Variants in NTRK3 observed in about 807,000 individuals in gnomAD.
NTRK3 encodes neurotrophic receptor tyrosine kinase 3.
In NTRK3, 24 loss-of-function variants were observed where a neutral mutation model predicts 91.7. The ratio of observed to expected loss-of-function variants is 0.26; its 90% confidence interval spans 0.19 to 0.37. The LOEUF is 0.37. NTRK3 is among the 10% of genes least tolerant of loss of function. The probability of loss-of-function intolerance (pLI) is 1.00; values close to 1 mark genes in which losing one functional copy is unlikely to be tolerated. For missense variants in NTRK3, 880 were observed against 1,068.9 expected (o/e 0.82, Z 2.46); for synonymous variants, 483 against 404.0 (o/e 1.20, Z -2.34).
chr15:87,861,056 T>C, exon 19 of NTRK3: 1 of 226,542 alleles, frequency 4.4e-6, no homozygotes, highest in Non-Finnish European at 8.8e-6. Flanking sequence ...TCAGAACAGG[T>C]GTGCCCAGGT....
At chr15:88,069,934 G>C (rs2046965613) in intron 13 of NTRK3, among the ~76,000 whole-genome samples, 1 of 152,184 alleles carries the variant, frequency 6.6e-6, no homozygotes, top group Admixed American at 6.5e-5. Context: ...GCTGTTGAGA[G>C]TCTAGGGCGA....
At chr15:88,106,469 G>C (rs1000149714) in intron 13 of NTRK3, among the ~76,000 whole-genome samples, 1 of 152,198 alleles carries the variant, frequency 6.6e-6, no homozygotes, top group East Asian at 1.9e-4. Flanking sequence ...AACGTGAAAA[G>C]AAAGAATGTA....
intron 3 of NTRK3, among the ~76,000 whole-genome samples, chr15:88,216,345 G>A (rs1305740444): frequency 2.0e-5 from 3 of 152,190 alleles, no homozygotes; most frequent in Non-Finnish European, 4.4e-5. Context: ...CCTGGGTACT[G>A]AAAAACTACA....
intron 14 of NTRK3, among the ~76,000 whole-genome samples, chr15:87,970,236 G>A (rs181088646): frequency 1.6e-4 from 24 of 152,270 alleles, no homozygotes; most frequent in Middle Eastern, 3.4e-3. Context: ...CAGCCTGGGC[G>A]GATGGCCAGG....
chr15:88,049,415 G>A (rs2142262878), intron 13 of NTRK3, among the ~76,000 whole-genome samples: 1 of 152,220 alleles, frequency 6.6e-6, no homozygotes, highest in Middle Eastern at 3.4e-3. Flanking sequence ...ACCCCACAGT[G>A]TTTTATAATG....
exon 19 of NTRK3, chr15:87,863,306 AC>A (rs962587591): frequency 4.9e-5 from 11 of 226,204 alleles, no homozygotes; most frequent in Non-Finnish European, 8.8e-5. Flanking sequence ...GGAAAACAAA[AC>A]AACTGCCCTT....
At chr15:88,227,358 C>G (rs1038029787) in intron 3 of NTRK3, among the ~76,000 whole-genome samples, 6 of 152,214 alleles carry the variant, frequency 3.9e-5, no homozygotes, top group South Asian at 2.1e-4. Flanking sequence ...TAGCCCCTAC[C>G]TAGAGCCTCG....
intron 6 of NTRK3, among the ~76,000 whole-genome samples, chr15:88,142,060 A>G (rs2042433705): frequency 6.6e-6 from 1 of 152,102 alleles, no homozygotes; most frequent in South Asian, 2.1e-4. Context: ...ATGACACCCT[A>G]GACAGCCCAC....
At chr15:88,129,007 T>C (rs2053564250) in intron 10 of NTRK3, among the ~76,000 whole-genome samples, 1 of 152,180 alleles carries the variant, frequency 6.6e-6, no homozygotes, top group Non-Finnish European at 1.5e-5. Context: ...ACCAGGTTCA[T>C]TATGAGATGA....
chr15:88,005,248 G>A (rs1435569803), intron 14 of NTRK3, among the ~76,000 whole-genome samples: 1 of 152,182 alleles, frequency 6.6e-6, no homozygotes, highest in African/African-American at 2.4e-5. Context: ...TTCCTGAGTA[G>A]GAGCCAGATG....
At chr15:88,044,814 C>G (rs1309323578) in intron 13 of NTRK3, among the ~76,000 whole-genome samples, 2 of 152,220 alleles carry the variant, frequency 1.3e-5, no homozygotes, top group Admixed American at 6.5e-5. Context: ...CTGGGCTTGA[C>G]ACAGACCCTA....
intron 5 of NTRK3, among the ~76,000 whole-genome samples, chr15:88,181,038 T>C (rs1470967106): frequency 6.6e-6 from 1 of 152,202 alleles, no homozygotes; most frequent in African/African-American, 2.4e-5. Context: ...GCCACTTGAC[T>C]GGGTGCTGAC....
At chr15:87,942,611 T>A (rs1254639499) in intron 14 of NTRK3, among the ~76,000 whole-genome samples, 2 of 151,992 alleles carry the variant, frequency 1.3e-5, no homozygotes, top group South Asian at 4.2e-4. Context: ...CAAGCCCACA[T>A]CTCTGAACAC....
chr15:87,981,115 C>G, intron 14 of NTRK3: 1 of 1,516,578 alleles, frequency 6.6e-7, no homozygotes. Flanking sequence ...CTAGTCGTAC[C>G]TCAGTCCACG....
chr15:87,951,276 T>C (rs2071080527), intron 14 of NTRK3, among the ~76,000 whole-genome samples: 1 of 152,206 alleles, frequency 6.6e-6, no homozygotes, highest in Non-Finnish European at 1.5e-5. Context: ...CAAAAATAGG[T>C]GTCCTAGGAC....
intron 14 of NTRK3, chr15:87,978,918 A>C: frequency 3.1e-6 from 1 of 319,570 alleles, no homozygotes; most frequent in Non-Finnish European, 5.8e-6. Context: ...ATCCTGGGAG[A>C]GCCAGGGAGA....
intron 3 of NTRK3, among the ~76,000 whole-genome samples, chr15:88,198,616 G>A (rs893507503): frequency 5.9e-5 from 9 of 152,222 alleles, no homozygotes; most frequent in African/African-American, 1.7e-4. Flanking sequence ...TCCCTTGTGA[G>A]AGCATAAATT....
intron 5 of NTRK3, among the ~76,000 whole-genome samples, chr15:88,161,181 T>C (rs2044420821): frequency 6.6e-6 from 1 of 152,174 alleles, no homozygotes; most frequent in African/African-American, 2.4e-5. Flanking sequence ...ATATAAGAGT[T>C]CACTTAAATA....
intron 15 of NTRK3, among the ~76,000 whole-genome samples, chr15:87,938,559 A>G (rs1567129525): frequency 1.3e-5 from 2 of 152,178 alleles, no homozygotes. Context: ...AATCCTTTTA[A>G]AAGGATGGAA....
Sources: allele counts gnomAD v4.1 joint callset (sites outside exome capture counted in the v4.1 genomes callset), GRCh38; gene constraint gnomAD v4.1.1; transcripts MANE v1.5; gene names NCBI Gene and HGNC (gene_info 2026-07-23, HGNC 2026-07-21).